ZNF521: variants seen among roughly 807,000 people sequenced by gnomAD.
ZNF521 encodes zinc finger protein 521.
A neutral mutation model predicts 105.5 loss-of-function variants in ZNF521; 14 were observed. The observed-to-expected ratio is 0.13, with a 90% confidence interval of 0.09 to 0.21. The LOEUF is 0.21. ZNF521 is among the 10% of genes least tolerant of loss of function. The pLI is 1.00. For missense variants in ZNF521, 1,233 were observed against 1,629.7 expected, an observed-to-expected ratio of 0.76 and a Z score of 4.19; for synonymous variants, 635 against 606.0, an observed-to-expected ratio of 1.05 and a Z score of -0.70.
At position 25,235,672 on chromosome 18, in the gene ZNF521, T is replaced by C. The variant is rs563022108; in HGVS notation, c.221-7975A>G. Among the ~76,000 whole-genome samples, 8 of 152,294 alleles carry C rather than the reference T, an allele frequency of 5.3e-5. No homozygotes were observed. The South Asian group carries it at 8.3e-4, about 16-fold the overall frequency. On this transcript the variant is annotated intron_variant, in intron 3 of 7. Coordinates refer to ENST00000361524, the MANE Select transcript of ZNF521 (RefSeq NM_015461.3). ...ACCAGGAATTATAACAGTCCTGAAA[T>C]GGTATTTATTGGAGCCGAATTTCAC...
intron 3 of ZNF521, among the ~76,000 whole-genome samples, chr18:25,273,317 C>T (rs112474826): frequency 1.9e-4 from 28 of 146,274 alleles, no homozygotes; most frequent in East Asian, 6.2e-4. Context: ...AATTTTGTTG[C>T]GCAGTCACAA....
At chr18:25,189,247 C>G (rs952334199) in intron 5 of ZNF521, among the ~76,000 whole-genome samples, 3 of 152,120 alleles carry the variant, frequency 2.0e-5, no homozygotes, top group African/African-American at 7.2e-5. Context: ...CCTGTGGCCC[C>G]CTCTTTGCAC....
intron 5 of ZNF521, among the ~76,000 whole-genome samples, chr18:25,170,105 T>G: frequency 6.6e-6 from 1 of 151,876 alleles, no homozygotes; most frequent in Non-Finnish European, 1.5e-5. Context: ...TTAATAGAAG[T>G]AGTTTTCTTT....
chr18:25,114,671 C>T (rs2034268432), intron 5 of ZNF521, among the ~76,000 whole-genome samples: 1 of 152,112 alleles, frequency 6.6e-6, no homozygotes, highest in South Asian at 2.1e-4. Context: ...AAATGAAAAG[C>T]AAACACCTAC....
In ZNF521 at chr18:25,224,798, C is replaced by G. The variant is rs754667110; in HGVS notation, c.3120G>C (p.Thr1040=). Residue 1040 remains threonine (T), a synonymous_variant, in exon 4 of 8, where the codon ACG becomes ACC. Coordinates refer to ENST00000361524, the MANE Select transcript of ZNF521 (RefSeq NM_015461.3). ...CATTCCCTGTCTTTTGCATGTGGAA[C>G]GTCCCATGGATTTTGAGTTCCAAGG... ...TSTLELKIHG[T]FHMQKTGNGS... is the part of the protein sequence containing the mutation. The G allele has an allele frequency of 6.8e-6, 11 of 1,613,938 alleles. No individual in the cohort carries two copies.
chr18:25,226,762 C>T lies in ZNF521; in HGVS notation c.1156G>A (p.Ala386Thr), dbSNP rs2144739409. 7 of 1,614,100 alleles carry T rather than the reference C, an allele frequency of 4.3e-6. No homozygotes were observed. The East Asian group carries it at 8.9e-5, about 21-fold the overall frequency. ...GTCATGTCAGGGGTTTGTTGAGCGGCCCTCTTCCTCCCTCGACTCTTTGGG... is the reference window on the plus strand; with the variant it reads ...GTCATGTCAGGGGTTTGTTGAGCGGTCCTCTTCCTCCCTCGACTCTTTGGG... ...PIPKSRGRKR[A>T]AQQTPDMTGP... Residue 386 changes from alanine (A) to threonine (T), a missense_variant, in exon 4 of 8, where the codon GCC becomes ACC. Coordinates refer to ENST00000361524, the MANE Select transcript of ZNF521 (RefSeq NM_015461.3). This position sits in a 1 kb window ranked among gnomAD's most constrained non-coding sequence, Gnocchi z 4.1.
chr18:25,105,878 G>A (rs2034062597), intron 5 of ZNF521, among the ~76,000 whole-genome samples: 1 of 152,168 alleles, frequency 6.6e-6, no homozygotes, highest in East Asian at 1.9e-4. Context: ...GATAACGTAT[G>A]TTTAGTTAAG....
chr18:25,215,594 AT>A (rs1354606015), intron 4 of ZNF521, among the ~76,000 whole-genome samples: 6 of 152,224 alleles, frequency 3.9e-5, no homozygotes, highest in African/African-American at 1.4e-4. Flanking sequence ...GATAAATGTT[AT>A]TATGTGCAAT....
rs114435002 is a variant in ZNF521, at chr18:25,227,327, C to T, written c.591G>A (p.Thr197=). The stretch of plus-strand genomic sequence containing the variant: ...TGGCACATTTATATGGCTTGTTGGA[C>T]GTGTGAGTCTTTAAGTGGATCTTCA... ...DHLKIHLKTH[T]SNKPYKCAIC... is the part of the protein sequence containing the mutation. The change falls in exon 4 of 8, where the codon ACG becomes ACA. Residue 197 remains threonine (T), a synonymous_variant. Coordinates refer to ENST00000361524, the MANE Select transcript of ZNF521 (RefSeq NM_015461.3). The surrounding 1 kb of genome is among the most constrained non-coding windows in gnomAD (Gnocchi z 5.7). 1.3e-4 allele frequency: 209 copies of T among 1,614,100 alleles called. No homozygotes were observed. The African/African-American group carries it at 1.8e-3, about 14-fold the overall frequency.
intron 3 of ZNF521, among the ~76,000 whole-genome samples, chr18:25,285,648 C>A (rs369088978): frequency 2.0e-5 from 3 of 151,938 alleles, no homozygotes; most frequent in South Asian, 4.1e-4. Flanking sequence ...TATCCACCAC[C>A]TACAGAACTA....
chr18:25,076,904 CT>C lies in ZNF521; in HGVS notation c.3906+12560del, dbSNP rs2033375293. Among the ~76,000 whole-genome samples the C allele has an allele frequency of 2.0e-5, 3 of 152,338 alleles. No individual in the cohort carries two copies. In the South Asian group the frequency reaches 6.2e-4, roughly 32 times the overall value. ...ATGGCCCCCTTATAGGGTATAATCC[CT>C]TGTTCTGTTCCAACGGAGGGAGAAG... is the stretch of plus-strand genomic sequence containing the variant. On this transcript the variant is annotated intron_variant, in intron 7 of 7. Coordinates refer to ENST00000361524, the MANE Select transcript of ZNF521 (RefSeq NM_015461.3).
intron 4 of ZNF521, among the ~76,000 whole-genome samples, chr18:25,204,672 T>C (rs2036048597): frequency 6.6e-6 from 1 of 152,208 alleles, no homozygotes; most frequent in Non-Finnish European, 1.5e-5. Context: ...CTTGAACTCA[T>C]TGATGTCTCA....
At chr18:25,351,756 C>CG (rs1488370067) in intron 1 of ZNF521, 1 of 155,922 alleles carries the variant, frequency 6.4e-6, no homozygotes, top group African/African-American at 2.4e-5. Context: ...AGGTGGTGTG[C>CG]GGGGCTGCTT....
In ZNF521 at chr18:25,225,278, G is replaced by T. The variant is rs1906038694; in HGVS notation, c.2640C>A (p.Asp880Glu). The change falls in exon 4 of 8, where the codon GAC becomes GAA. Residue 880 changes from aspartate to glutamate, a missense_variant. Physicochemically the swap from Asp to Glu is conservative, Grantham distance 45. Around this residue, in one of 6 missense-constraint regions of ZNF521, gnomAD observed 614 missense variants for 751.5 expected, o/e 0.82. Coordinates refer to ENST00000361524, the MANE Select transcript of ZNF521 (RefSeq NM_015461.3). This position sits in a 1 kb window ranked among gnomAD's most constrained non-coding sequence, Gnocchi z 5.6. Reference protein sequence around the residue: ...NSHDGSEEDVDTSEPMYGCDI... With the variant: ...NSHDGSEEDVETSEPMYGCDI... Reference sequence around the variant, plus strand: ...CGCAGCCGTACATAGGCTCAGAGGTGTCAACGTCTTCTTCGCTCCCATCGT... The same window carrying T: ...CGCAGCCGTACATAGGCTCAGAGGTTTCAACGTCTTCTTCGCTCCCATCGT... The T allele has an allele frequency of 1.2e-6, 2 of 1,614,172 alleles. No homozygotes were observed. Among genetic ancestry groups the T allele is most frequent in the Non-Finnish European group, 1.7e-6 (2 of 1,180,038 alleles).
chr18:25,301,820 C>T (rs1911657452), intron 3 of ZNF521: 1 of 152,192 alleles, frequency 6.6e-6, no homozygotes, highest in Non-Finnish European at 1.5e-5. Context: ...CTGGTGCAAC[C>T]TCTGGAACAC....
intron 4 of ZNF521, among the ~76,000 whole-genome samples, chr18:25,214,377 A>T (rs2036244642): frequency 1.3e-5 from 2 of 152,038 alleles, no homozygotes; most frequent in South Asian, 4.1e-4. Flanking sequence ...GATTCATCTC[A>T]CCAGAAGTCT....
At chr18:25,154,259 C>T (rs1281670711) in intron 5 of ZNF521, among the ~76,000 whole-genome samples, 1 of 152,166 alleles carries the variant, frequency 6.6e-6, no homozygotes, top group Non-Finnish European at 1.5e-5. Context: ...TAGAAACATG[C>T]TGTGGCCCGA....
chr18:25,120,940 A>G (rs1157537002), intron 5 of ZNF521, among the ~76,000 whole-genome samples: 2 of 152,122 alleles, frequency 1.3e-5, no homozygotes, highest in East Asian at 3.9e-4. Flanking sequence ...GGAAGGTGGT[A>G]AGAAACCTGG....
At chr18:25,125,064 C>A (rs954799779) in intron 5 of ZNF521, among the ~76,000 whole-genome samples, 1 of 152,096 alleles carries the variant, frequency 6.6e-6, no homozygotes, top group African/African-American at 2.4e-5. Flanking sequence ...ACTACAAGTA[C>A]CTCAAAGAGT....
Sources: allele counts gnomAD v4.1 joint callset (sites outside exome capture counted in the v4.1 genomes callset), GRCh38; gene constraint gnomAD v4.1.1; regional missense constraint gnomAD v4.1.1; non-coding constraint Gnocchi (gnomAD v3.1); transcripts MANE v1.5; gene names NCBI Gene and HGNC (gene_info 2026-07-23, HGNC 2026-07-21).